Variants in IL1RAPL2 observed in about 807,000 individuals in gnomAD.
The protein encoded by IL1RAPL2 is interleukin 1 receptor accessory protein like 2, also known as X-linked interleukin-1 receptor accessory protein-like 2.
IL1RAPL2 carries 3 observed loss-of-function variants against 44.1 expected under a neutral mutation model. That is an observed-to-expected ratio of 0.07 (90% CI 0.03 to 0.18). The LOEUF is 0.18. Ranked by LOEUF, IL1RAPL2 falls within the 10% of genes least tolerant of loss-of-function variation. The pLI is 1.00. For synonymous variants in IL1RAPL2, 181 were observed against 178.8 expected (o/e 1.01, Z -0.10); for missense variants, 391 against 496.4 (o/e 0.79, Z 2.02).
At chrX:104,999,054 G>A (rs1437492646) in intron 2 of IL1RAPL2, among the ~76,000 whole-genome samples, 1 of 111,716 alleles carries the variant, frequency 9.0e-6, no homozygotes, top group Non-Finnish European at 1.9e-5. Context: ...TTCTACCTCA[G>A]CCTCCCAAAG....
chrX:104,712,299 A>G (rs1272879466), intron 2 of IL1RAPL2, among the ~76,000 whole-genome samples: 1 of 110,877 alleles, frequency 9.0e-6, no homozygotes, highest in Non-Finnish European at 1.9e-5. Context: ...GCTGAGGGGC[A>G]AAGGTTTGCC....
chrX:104,948,076 A>G (rs1236591820), intron 2 of IL1RAPL2, among the ~76,000 whole-genome samples: 5 of 108,733 alleles, frequency 4.6e-5, no homozygotes, highest in Admixed American at 2.0e-4. Context: ...ATTTGTTTGT[A>G]TCCTCTTTTA....
intron 2 of IL1RAPL2, among the ~76,000 whole-genome samples, chrX:104,907,257 C>T (rs1163757441): frequency 1.8e-5 from 2 of 111,611 alleles, no homozygotes; most frequent in Non-Finnish European, 3.8e-5. Flanking sequence ...AAACCAGCTC[C>T]TGGATTCATT....
At chrX:105,580,869 G>C (rs779896258) in intron 6 of IL1RAPL2, among the ~76,000 whole-genome samples, 8 of 112,290 alleles carry the variant, frequency 7.1e-5, no homozygotes, top group Non-Finnish European at 1.1e-4. Flanking sequence ...CCCATGCTGA[G>C]TAGGAGGGAG....
At position 104,910,985 on chromosome X, in the gene IL1RAPL2, C is replaced by T. The variant is rs756967725; in HGVS notation, c.82+251990C>T. ...AGATATAACAGAGATTTGAATAAAT[C>T]AGAAGAGATTAATATGAAGCAACCA... On this transcript the variant is annotated intron_variant, in intron 2 of 10. Transcript: ENST00000372582. Among the ~76,000 whole-genome samples, 35 of 111,569 alleles carry T rather than the reference C, an allele frequency of 3.1e-4. 1 individual carries two copies. The South Asian group carries it at 9.0e-3, about 29-fold the overall frequency.
At chrX:104,909,390 A>G (rs1226673084) in intron 2 of IL1RAPL2, among the ~76,000 whole-genome samples, 2 of 112,088 alleles carry the variant, frequency 1.8e-5, no homozygotes, top group South Asian at 7.5e-4. Context: ...CTGGTGAGGA[A>G]TTGCGTTCCT....
chrX:105,003,590 C>CA (rs2030890279), intron 2 of IL1RAPL2, among the ~76,000 whole-genome samples: 1 of 110,865 alleles, frequency 9.0e-6, no homozygotes, highest in Non-Finnish European at 1.9e-5. Context: ...TTTTCTTCCC[C>CA]ATGTTTTGAT....
chrX:105,030,277 T>C (rs1297429664), intron 2 of IL1RAPL2, among the ~76,000 whole-genome samples: 74 of 111,339 alleles, frequency 6.6e-4, no homozygotes, highest in African/African-American at 2.4e-3. Context: ...ATTTTGGCTT[T>C]TGTTGCCATT....
chrX:105,210,018 C>T (rs782521092), intron 3 of IL1RAPL2, among the ~76,000 whole-genome samples: 1 of 109,960 alleles, frequency 9.1e-6, no homozygotes, highest in Admixed American at 9.7e-5. Context: ...CCTTTCCTCC[C>T]CCTCCTCCAG....
intron 1 of IL1RAPL2, among the ~76,000 whole-genome samples, chrX:104,620,440 C>T (rs1929367113): frequency 9.3e-6 from 1 of 107,168 alleles, no homozygotes; most frequent in Admixed American, 1.0e-4. Flanking sequence ...GAGATCGAGA[C>T]CATCCTGGCT....
At chrX:105,485,695 G>A (rs1327661321) in intron 6 of IL1RAPL2, among the ~76,000 whole-genome samples, 1 of 111,717 alleles carries the variant, frequency 9.0e-6, no homozygotes, top group Admixed American at 9.5e-5. Context: ...CAAAATAAGT[G>A]AGAACGTGTG....
intron 6 of IL1RAPL2, among the ~76,000 whole-genome samples, chrX:105,640,673 T>C (rs769151295): frequency 1.1e-5 from 1 of 92,846 alleles, no homozygotes; most frequent in Non-Finnish European, 2.1e-5. Context: ...TATATATATA[T>C]ATATATATAT....
chrX:105,761,915 GATTA>G (rs1217506558), intron 10 of IL1RAPL2, among the ~76,000 whole-genome samples: 2 of 112,205 alleles, frequency 1.8e-5, no homozygotes, highest in South Asian at 7.3e-4. Context: ...CTAATTGATT[GATTA>G]GTTTGAGAAA....
chrX:104,872,555 G>A (rs187843520), intron 2 of IL1RAPL2, among the ~76,000 whole-genome samples: 48 of 111,418 alleles, frequency 4.3e-4, no homozygotes, highest in African/African-American at 1.5e-3. Context: ...GGTTACCTAT[G>A]TGGAAGCCAG....
intron 1 of IL1RAPL2, among the ~76,000 whole-genome samples, chrX:104,609,102 C>T (rs975663007): frequency 3.7e-5 from 4 of 109,503 alleles, no homozygotes; most frequent in African/African-American, 1.3e-4. Context: ...ATTTCTCCTT[C>T]ACTTATGAAG....
intron 1 of IL1RAPL2, among the ~76,000 whole-genome samples, chrX:104,587,828 A>G (rs1348163310): frequency 8.9e-6 from 1 of 112,043 alleles, no homozygotes; most frequent in Non-Finnish European, 1.9e-5. Flanking sequence ...ACCTTTGACA[A>G]TAGAAATAAT....
intron 5 of IL1RAPL2, among the ~76,000 whole-genome samples, chrX:105,358,698 CAAA>C (rs2147709747): frequency 1.9e-5 from 1 of 52,623 alleles, no homozygotes; most frequent in South Asian, 7.6e-4. Context: ...ACAACAACAA[CAAA>C]CAAAAAAAAA....
Position 105,392,327 on chromosome X carries a change from G to A in IL1RAPL2, c.698-91986G>A, listed in dbSNP as rs1035901148. Among the ~76,000 whole-genome samples, 13 of 110,129 alleles carry A rather than the reference G, an allele frequency of 1.2e-4. No homozygotes were observed. The South Asian group carries it at 4.7e-3, about 40-fold the overall frequency. ...TCTGAAATATTCTTAGGTAGCAGAG[G>A]TTGTACAGAAAGATCTTTGTGTTAC... On this transcript the variant is annotated intron_variant, in intron 5 of 10. Coordinates refer to ENST00000372582, the MANE Select transcript of IL1RAPL2 (RefSeq NM_017416.2).
At chrX:104,606,493 TA>T (rs1247248642) in intron 1 of IL1RAPL2, among the ~76,000 whole-genome samples, 1 of 111,335 alleles carries the variant, frequency 9.0e-6, no homozygotes, top group Non-Finnish European at 1.9e-5. Flanking sequence ...GAGAAAGAAA[TA>T]AAAGTATTCA....
Sources: allele counts gnomAD v4.1 joint callset (sites outside exome capture counted in the v4.1 genomes callset), GRCh38; gene constraint gnomAD v4.1.1; transcripts MANE v1.5; gene names NCBI Gene and HGNC (gene_info 2026-07-23, HGNC 2026-07-21).